The following LARGE1 variants were observed in gnomAD, a reference collection of about 807,000 sequenced individuals.
LARGE1 encodes xylosyl- and glucuronyltransferase LARGE1.
Under a neutral mutation model 87.6 loss-of-function variants are expected in LARGE1, and 43 were observed. That is an observed-to-expected ratio of 0.49 (90% confidence interval 0.38 to 0.63). LARGE1 has a LOEUF of 0.63. Ranked by LOEUF, LARGE1 falls within the 30% of genes least tolerant of loss-of-function variation. LARGE1 has a pLI of 0.00. For missense variants in LARGE1, 802 were observed against 1,000.2 expected (o/e 0.80, Z 2.67); for synonymous variants, 434 against 394.6 (o/e 1.10, Z -1.18).
downstream of LARGE1, among the ~76,000 whole-genome samples, chr22:33,268,506 C>A (rs945381466): frequency 1.3e-5 from 2 of 149,422 alleles, no homozygotes; most frequent in African/African-American, 5.0e-5. Context: ...TGGCTCATTG[C>A]AAGCTCCGTC....
At chr22:33,100,093 T>C in the LARGE1 span, among the ~76,000 whole-genome samples, 1 of 152,088 alleles carries the variant, frequency 6.6e-6, no homozygotes, top group Non-Finnish European at 1.5e-5. Flanking sequence ...CCCAGCACTT[T>C]GGGAGGCTGA....
chr22:33,383,421 G>C (rs2065222074), intron 8 of LARGE1, among the ~76,000 whole-genome samples: 1 of 152,028 alleles, frequency 6.6e-6, no homozygotes, highest in Admixed American at 6.6e-5. Context: ...TTAGCCTGGT[G>C]TGGTGCTGCA....
chr22:33,816,670 G>GGATGGATGGATAGATAGATA (rs2086657656), intron 1 of LARGE1, among the ~76,000 whole-genome samples: 1 of 63,842 alleles, frequency 1.6e-5, no homozygotes, highest in South Asian at 8.5e-4. Context: ...ATGCACGGAT[G>GGATGGATGGATAGATAGATA]GATGGATAGA....
rs868033512 is a variant in LARGE1, at chr22:33,865,866, T to G, written c.-83+54129A>C. On this transcript the variant is annotated intron_variant, in intron 1 of 14. Coordinates refer to ENST00000397394, the MANE Select transcript of LARGE1 (RefSeq NM_133642.5). ...TTTTTTTTTTTTTTTTTTTTTTTTT[T>G]TTGACAGGGTCTCGCTCTGTCATCC... is the stretch of plus-strand genomic sequence containing the variant. 3.2e-4 allele frequency among the ~76,000 whole-genome samples: 31 copies of G among 96,710 alleles called. 1 individual carries two copies. In the South Asian group the frequency reaches 3.5e-3, roughly 11 times the overall value. The allele number at this position is 96,710 out of a possible 152,430, so 63.4% of individuals were successfully genotyped here. A position where few individuals can be genotyped will look rare whatever the true frequency, so the allele number is the denominator to read the frequency against.
chr22:33,692,011 G>A (rs550215292), intron 2 of LARGE1, among the ~76,000 whole-genome samples: 1 of 152,172 alleles, frequency 6.6e-6, no homozygotes, highest in East Asian at 1.9e-4. Context: ...GTGCCAAAAG[G>A]CTACCACGGA....
intron 11 of LARGE1, among the ~76,000 whole-genome samples, chr22:33,265,920 C>T (rs1253803656): frequency 6.6e-6 from 1 of 152,152 alleles, no homozygotes; most frequent in Non-Finnish European, 1.5e-5. Flanking sequence ...TCAGACTTTC[C>T]TGAGACCCTC....
intron 9 of LARGE1, among the ~76,000 whole-genome samples, chr22:33,369,232 G>A (rs1202438345): frequency 6.6e-6 from 1 of 152,190 alleles, no homozygotes; most frequent in Non-Finnish European, 1.5e-5. Flanking sequence ...AAATGTCACA[G>A]GAAGAGACAC....
At chr22:33,827,413 G>A (rs62227788) in intron 1 of LARGE1, among the ~76,000 whole-genome samples, 13,554 of 151,922 alleles carry the variant, frequency 0.089, 635 homozygotes, top group Admixed American at 0.1. Context: ...TACCCTCCTC[G>A]CCCCTCTGTC....
intron 13 of LARGE1, among the ~76,000 whole-genome samples, chr22:33,277,807 T>A (rs1412869542): frequency 6.6e-6 from 1 of 152,208 alleles, no homozygotes; most frequent in African/African-American, 2.4e-5. Flanking sequence ...CCATCTGCTA[T>A]CTGCACATTT....
intron 1 of LARGE1, among the ~76,000 whole-genome samples, chr22:33,815,998 CT>C (rs1370641743): frequency 6.6e-6 from 1 of 152,212 alleles, no homozygotes; most frequent in Non-Finnish European, 1.5e-5. Context: ...GTCCAATTAT[CT>C]CCAAACTTTT....
chr22:33,073,742 T>C, the LARGE1 span, among the ~76,000 whole-genome samples: 1 of 152,178 alleles, frequency 6.6e-6, no homozygotes, highest in Non-Finnish European at 1.5e-5. Context: ...ACATCACTGA[T>C]TGCTAACCAA....
rs200074908 is a variant in LARGE1, at chr22:33,264,889, CTT to C, written c.1730+39338_1730+39339del. ...CTCCCCTTTGACATCTGATCAAATT[CTT>C]TTTTTTTTTTTTTTTTTTTTTTGAG... is the stretch of plus-strand genomic sequence containing the variant. On this transcript the variant is annotated intron_variant, in intron 11 of 11. Coordinates refer to the LARGE1 transcript ENST00000608642. Among the ~76,000 whole-genome samples the C allele has an allele frequency of 8.3e-3, 617 of 74,356 alleles. 1 individual carries two copies. Among genetic ancestry groups the C allele is most frequent in the African/African-American group, 0.032 (576 of 17,978 alleles). The allele number at this position is 74,356 out of a possible 152,430, so 48.8% of individuals were successfully genotyped here.
At chr22:33,749,513 C>T (rs1411213846) in intron 2 of LARGE1, among the ~76,000 whole-genome samples, 5 of 152,208 alleles carry the variant, frequency 3.3e-5, no homozygotes, top group Non-Finnish European at 7.3e-5. Context: ...AAAATTCAAA[C>T]TCCCATCCAC....
At chr22:33,882,082 AC>A (rs2064709717) in intron 1 of LARGE1, among the ~76,000 whole-genome samples, 1 of 139,704 alleles carries the variant, frequency 7.2e-6, no homozygotes, top group Non-Finnish European at 1.5e-5. Context: ...TCGCTCTGTC[AC>A]CCAGGCTGGA....
intron 6 of LARGE1, among the ~76,000 whole-genome samples, chr22:33,477,668 CTGAG>C (rs1469761468): frequency 2.0e-5 from 3 of 152,146 alleles, no homozygotes; most frequent in African/African-American, 4.8e-5. Flanking sequence ...TAGAGCTCAG[CTGAG>C]TAATTCCACC....
intron 2 of LARGE1, among the ~76,000 whole-genome samples, chr22:33,754,422 GC>G (rs1325781678): frequency 6.6e-6 from 1 of 150,532 alleles, no homozygotes; most frequent in Non-Finnish European, 1.5e-5. Context: ...TGCAAGCTCC[GC>G]CCCCCAGGTT....
intron 1 of LARGE1, among the ~76,000 whole-genome samples, chr22:33,823,628 A>G (rs2062701183): frequency 6.6e-6 from 1 of 152,186 alleles, no homozygotes; most frequent in Non-Finnish European, 1.5e-5. Flanking sequence ...ATCTGAGGAC[A>G]CAGCAATGAC....
intron 1 of LARGE1, among the ~76,000 whole-genome samples, chr22:33,814,896 G>A (rs980425826): frequency 2.6e-5 from 4 of 152,172 alleles, no homozygotes; most frequent in Admixed American, 6.5e-5. Flanking sequence ...TTCAAGTGAA[G>A]AAACTGCAGC....
chr22:33,907,741 C>T (rs2065497672), intron 1 of LARGE1, among the ~76,000 whole-genome samples: 1 of 152,072 alleles, frequency 6.6e-6, no homozygotes, highest in African/African-American at 2.4e-5. Context: ...ACTACAGGCG[C>T]CCGCCACCAC....
Sources: gnomAD v4.1 joint callset for allele counts (sites outside exome capture counted in the v4.1 genomes callset) on GRCh38, gnomAD v4.1.1 for gene constraint, MANE v1.5 for transcripts, NCBI Gene and HGNC (gene_info 2026-07-23, HGNC 2026-07-21) for gene names.